The following TAFA2 variants were observed in gnomAD, a reference collection of about 807,000 sequenced individuals.
TAFA2 encodes chemokine-like protein TAFA-2.
A neutral mutation model predicts 18.8 loss-of-function variants in TAFA2; 7 were observed. The observed-to-expected ratio is 0.37, with a 90% confidence interval of 0.21 to 0.70. The LOEUF is 0.70. Among genes scored for constraint, TAFA2 ranks in the 30% least tolerant of loss-of-function variants. The pLI is 0.53. For synonymous variants in TAFA2, 60 were observed against 54.2 expected, an observed-to-expected ratio of 1.11 and a Z score of -0.47; for missense variants, 122 against 158.1, an observed-to-expected ratio of 0.77 and a Z score of 1.23.
intron 1 of TAFA2, among the ~76,000 whole-genome samples, chr12:61,964,057 C>T (rs1878985063): frequency 6.6e-6 from 1 of 151,974 alleles, no homozygotes; most frequent in Admixed American, 6.6e-5. Flanking sequence ...TTCCTTACAC[C>T]TTATACAAAA....
chr12:61,995,584 T>C (rs1244389831), intron 1 of TAFA2, among the ~76,000 whole-genome samples: 1 of 152,200 alleles, frequency 6.6e-6, no homozygotes, highest in African/African-American at 2.4e-5. Flanking sequence ...GCTAACATTG[T>C]GCCTGGTTCA....
intron 1 of TAFA2, among the ~76,000 whole-genome samples, chr12:61,965,655 A>C (rs1473725973): frequency 1.3e-5 from 2 of 151,924 alleles, no homozygotes; most frequent in Non-Finnish European, 2.9e-5. Flanking sequence ...TTTCAGCAGC[A>C]ACAAGTAAGA....
At chr12:61,837,221 A>G (rs1872970697) in intron 2 of TAFA2, among the ~76,000 whole-genome samples, 1 of 152,016 alleles carries the variant, frequency 6.6e-6, no homozygotes, top group South Asian at 2.1e-4. Context: ...AAAATTCTAT[A>G]TGAAAACCAC....
chr12:61,879,931 T>G, intron 1 of TAFA2: 2 of 897,148 alleles, frequency 2.2e-6, no homozygotes, highest in Non-Finnish European at 3.7e-6. Flanking sequence ...TGGATGAAGC[T>G]TACAAGAACA....
chr12:61,762,496 C>T (rs1303245429), intron 2 of TAFA2, among the ~76,000 whole-genome samples: 1 of 151,876 alleles, frequency 6.6e-6, no homozygotes, highest in African/African-American at 2.4e-5. Context: ...TTATATATTA[C>T]TTAAATGTTA....
rs749824398 is a variant in TAFA2 at position 61,921,959 on chromosome 12, G to GA, written c.-1-54534dup. ...GAAAGTTTATCAAAAAGAAGTATGT[G>GA]ATTAACTATTTCAAATGCTGTTAAT... On this transcript the variant is annotated intron_variant, in intron 1 of 4. Coordinates refer to ENST00000416284, the MANE Select transcript of TAFA2 (RefSeq NM_178539.5). Among the ~76,000 whole-genome samples, 420 of 152,246 alleles carry GA rather than the reference G, an allele frequency of 2.8e-3. 2 individuals are homozygous for GA. The highest frequency in any genetic ancestry group is 3.7e-3 in the Non-Finnish European group (251 of 68,010).
chr12:62,057,191 G>C (rs1432976224), intron 1 of TAFA2, among the ~76,000 whole-genome samples: 1 of 152,104 alleles, frequency 6.6e-6, no homozygotes, highest in Non-Finnish European at 1.5e-5. Context: ...ATTTCTTCTT[G>C]AATTTTGGTA....
chr12:62,212,221 T>C (rs575122499), intron 1 of TAFA2, among the ~76,000 whole-genome samples: 37 of 152,210 alleles, frequency 2.4e-4, no homozygotes, highest in Admixed American at 1.6e-3. Flanking sequence ...AGTACTCAGC[T>C]TTCCTTTATT....
intron 1 of TAFA2, among the ~76,000 whole-genome samples, chr12:61,988,483 G>C (rs1879890485): frequency 6.6e-6 from 1 of 152,118 alleles, no homozygotes; most frequent in South Asian, 2.1e-4. Flanking sequence ...AATGTTGGAG[G>C]AGTTTTTCAA....
intron 1 of TAFA2, among the ~76,000 whole-genome samples, chr12:61,899,116 C>G (rs1875985593): frequency 6.6e-6 from 1 of 152,158 alleles, no homozygotes; most frequent in African/African-American, 2.4e-5. Flanking sequence ...ACTTCATTGT[C>G]CATACCATTA....
chr12:61,984,128 C>T lies in TAFA2; in HGVS notation c.-1-116702G>A, dbSNP rs1211460907. Among the ~76,000 whole-genome samples the T allele has an allele frequency of 4.6e-5, 7 of 152,328 alleles. No individual in the cohort carries two copies. In the South Asian group the frequency reaches 1.0e-3, roughly 23 times the overall value. ...CTTCATAACACCACGTATATCTTCC[C>T]ACTAAAGTGTAGACACACTAAAAGC... On this transcript the variant is annotated intron_variant, in intron 1 of 4. Coordinates refer to ENST00000416284, the MANE Select transcript of TAFA2 (RefSeq NM_178539.5).
chr12:62,040,041 A>G (rs1179812218), intron 1 of TAFA2, among the ~76,000 whole-genome samples: 1 of 152,110 alleles, frequency 6.6e-6, no homozygotes, highest in African/African-American at 2.4e-5. Context: ...GCTGTGGGAG[A>G]ACACACTGGG....
At chr12:61,760,364 A>AG (rs1242128090) in intron 2 of TAFA2, among the ~76,000 whole-genome samples, 2 of 129,218 alleles carry the variant, frequency 1.5e-5, no homozygotes, top group Admixed American at 8.1e-5. Context: ...AAAAATATCA[A>AG]AATATATATA....
At chr12:62,134,645 T>G (rs1870824467) in intron 1 of TAFA2, among the ~76,000 whole-genome samples, 1 of 152,114 alleles carries the variant, frequency 6.6e-6, no homozygotes, top group South Asian at 2.1e-4. Flanking sequence ...ATGATTTGTT[T>G]CCTTGTTCAT....
intron 1 of TAFA2, among the ~76,000 whole-genome samples, chr12:62,221,300 T>C (rs566353339): frequency 1.7e-4 from 25 of 150,896 alleles, no homozygotes; most frequent in African/African-American, 5.3e-4. Flanking sequence ...TTCACCAAAA[T>C]ACCCATCTCC....
intron 1 of TAFA2, among the ~76,000 whole-genome samples, chr12:61,992,786 G>A (rs1417569669): frequency 1.3e-5 from 2 of 152,154 alleles, no homozygotes; most frequent in African/African-American, 4.8e-5. Flanking sequence ...CAAGCTCCAT[G>A]AGAGTAGAAA....
chr12:62,236,845 A>T (rs1475039795), intron 1 of TAFA2, among the ~76,000 whole-genome samples: 3 of 151,508 alleles, frequency 2.0e-5, no homozygotes, highest in Non-Finnish European at 4.4e-5. Flanking sequence ...TTTATTTGTT[A>T]TTTGCTTCTT....
At chr12:61,799,080 AATATGCAT>A in intron 2 of TAFA2, among the ~76,000 whole-genome samples, 1 of 152,370 alleles carries the variant, frequency 6.6e-6, no homozygotes. Flanking sequence ...ACTAGTATCA[AATATGCAT>A]ATATGCTTTA....
intron 1 of TAFA2, chr12:61,880,725 C>T (rs184367279): frequency 6.3e-4 from 233 of 369,730 alleles, no homozygotes; most frequent in African/African-American, 4.2e-3. Flanking sequence ...GATCGAGACC[C>T]GCGATGGGAA....
Sources: allele counts gnomAD v4.1 joint callset (sites outside exome capture counted in the v4.1 genomes callset), GRCh38; gene constraint gnomAD v4.1.1; transcripts MANE v1.5; gene names NCBI Gene and HGNC (gene_info 2026-07-23, HGNC 2026-07-21).